The following KLF7 variants were observed in gnomAD, a reference collection of about 807,000 sequenced individuals.
KLF7 encodes the protein KLF transcription factor 7.
A neutral mutation model predicts 27.3 loss-of-function variants in KLF7; 2 were observed. That is an observed-to-expected ratio of 0.07 (90% CI 0.03 to 0.23). The LOEUF is 0.23. Among genes scored for constraint, KLF7 ranks in the 10% least tolerant of loss-of-function variants. KLF7 has a pLI of 1.00. For synonymous variants in KLF7, 165 were observed against 162.4 expected, an observed-to-expected ratio of 1.02 and a Z score of -0.12; for missense variants, 221 against 394.1, an observed-to-expected ratio of 0.56 and a Z score of 3.72.
intron 1 of KLF7, among the ~76,000 whole-genome samples, chr2:207,155,263 A>G (rs529338175): frequency 1.3e-5 from 2 of 152,382 alleles, no homozygotes; most frequent in South Asian, 2.1e-4. Flanking sequence ...TGTCTGATAC[A>G]TATGAGACAG....
chr2:207,135,093 C>T (rs1269000017), intron 1 of KLF7, among the ~76,000 whole-genome samples: 1 of 152,108 alleles, frequency 6.6e-6, no homozygotes, highest in African/African-American at 2.4e-5. Flanking sequence ...TTTAAGTAAG[C>T]AGGGGACTCT....
chr2:207,091,969 GAAA>G (rs1470367386), intron 2 of KLF7, among the ~76,000 whole-genome samples: 1 of 151,646 alleles, frequency 6.6e-6, no homozygotes, highest in Admixed American at 6.6e-5. Flanking sequence ...CTTTATAAAA[GAAA>G]AAAAGAAAGG....
chr2:207,118,302 T>C (rs550840109), intron 2 of KLF7, among the ~76,000 whole-genome samples: 3 of 152,274 alleles, frequency 2.0e-5, no homozygotes, highest in South Asian at 2.1e-4. Flanking sequence ...AACCATAAAA[T>C]AGTAGCTTTA....
At position 207,079,979 on chromosome 2, in the gene KLF7, A is replaced by C. The variant is rs971425792; in HGVS notation, c.*1234T>G. On this transcript the variant is annotated 3_prime_UTR_variant, in exon 4 of 4. Transcript: ENST00000309446. ...CATCCTCAGTTTTCCCCACTCCTGGAAAGAGTGATATTTTTGGCTTTTTGT... is the reference window on the plus strand; with the variant it reads ...CATCCTCAGTTTTCCCCACTCCTGGCAAGAGTGATATTTTTGGCTTTTTGT... The C allele has an allele frequency of 6.6e-6, 1 of 152,230 alleles. No homozygotes were observed. Among genetic ancestry groups the C allele is most frequent in the African/African-American group, 2.4e-5 (1 of 41,456 alleles). 9.4% of individuals were successfully genotyped at this position (152,230 alleles called of 1,614,324 possible). A position where few individuals can be genotyped will look rare whatever the true frequency, so the allele number is the denominator to read the frequency against.
chr2:207,126,469 G>A (rs1258760657), intron 1 of KLF7, among the ~76,000 whole-genome samples: 1 of 152,092 alleles, frequency 6.6e-6, no homozygotes, highest in Non-Finnish European at 1.5e-5. Context: ...ACCCTACCCT[G>A]TACCATGCTG....
At chr2:207,088,060 CTCTT>C (rs2076431585) in intron 3 of KLF7, among the ~76,000 whole-genome samples, 1 of 152,196 alleles carries the variant, frequency 6.6e-6, no homozygotes, top group African/African-American at 2.4e-5. Flanking sequence ...AAGCTTTCTA[CTCTT>C]TCTTATTACT....
upstream of KLF7, chr2:207,166,268 G>C (rs1244030236): frequency 1.2e-6 from 1 of 835,064 alleles, no homozygotes; most frequent in African/African-American, 1.8e-5. Flanking sequence ...GCGGGGCTTG[G>C]CCCTGGCGGC....
At chr2:207,103,710 GGAAAGT>G (rs1220347712) in intron 2 of KLF7, among the ~76,000 whole-genome samples, 1 of 152,132 alleles carries the variant, frequency 6.6e-6, no homozygotes, top group Non-Finnish European at 1.5e-5. Flanking sequence ...TGTGCCCTCA[GGAAAGT>G]TACCTACTCT....
At chr2:207,128,196 T>C (rs2077533324) in intron 1 of KLF7, among the ~76,000 whole-genome samples, 1 of 152,178 alleles carries the variant, frequency 6.6e-6, no homozygotes, top group Admixed American at 6.5e-5. Context: ...CATAAAGTGA[T>C]GAAGTCATGT....
intron 1 of KLF7, among the ~76,000 whole-genome samples, chr2:207,137,496 T>C (rs1473059398): frequency 6.6e-6 from 1 of 152,188 alleles, no homozygotes; most frequent in Admixed American, 6.5e-5. Context: ...CATGAAAAGG[T>C]ATCTCTACTG....
intron 1 of KLF7, among the ~76,000 whole-genome samples, chr2:207,164,278 C>G (rs968499287): frequency 3.3e-5 from 5 of 152,174 alleles, no homozygotes; most frequent in Admixed American, 2.0e-4. Context: ...TGTCACTAAG[C>G]GAAGAAATTA....
chr2:207,076,160 A>G lies in KLF7; in HGVS notation c.*5053T>C, dbSNP rs1297125587. 6.6e-6 allele frequency: 1 copy of G among 152,140 alleles called. No homozygotes were observed. Among genetic ancestry groups the G allele is most frequent in the Non-Finnish European group, 1.5e-5 (1 of 68,028 alleles). The allele number at this position is 152,140 out of a possible 1,614,324, so 9.4% of individuals were successfully genotyped here. ...CATATGCGCATGTCTAGGTGCGAGC[A>G]TATATACCACCCTCATTATGCTGAC... On this transcript the variant is annotated 3_prime_UTR_variant, in exon 4 of 4. Transcript: ENST00000309446.
intron 3 of KLF7, among the ~76,000 whole-genome samples, chr2:207,081,941 A>G (rs1384573156): frequency 6.6e-6 from 1 of 151,752 alleles, no homozygotes; most frequent in Admixed American, 6.6e-5. Flanking sequence ...GGTTTTCCCA[A>G]TATCACGCCA....
intron 2 of KLF7, chr2:207,121,872 C>G (rs1430384664): frequency 5.9e-5 from 9 of 152,262 alleles, no homozygotes; most frequent in African/African-American, 2.2e-4. Flanking sequence ...AAAAGAATCT[C>G]TGCTTTCCCA....
chr2:207,100,642 T>C (rs2076744765), intron 2 of KLF7, among the ~76,000 whole-genome samples: 1 of 152,204 alleles, frequency 6.6e-6, no homozygotes, highest in Admixed American at 6.5e-5. Context: ...GGATGTCCCC[T>C]GCTCAGAATG....
At chr2:207,085,748 C>T (rs1574417175) in intron 3 of KLF7, among the ~76,000 whole-genome samples, 1 of 152,270 alleles carries the variant, frequency 6.6e-6, no homozygotes, top group East Asian at 1.9e-4. Context: ...CAACAGAAAG[C>T]GGGACAATAC....
chr2:207,165,960 C>G (rs1224920675), upstream of KLF7: 3 of 1,023,308 alleles, frequency 2.9e-6, no homozygotes, highest in African/African-American at 5.1e-5. Flanking sequence ...GCTCCTAATG[C>G]AATCTTTGCT....
chr2:207,120,412 C>A (rs1224787016), intron 2 of KLF7, among the ~76,000 whole-genome samples: 2 of 152,208 alleles, frequency 1.3e-5, no homozygotes, highest in Non-Finnish European at 2.9e-5. Flanking sequence ...AAGACACACA[C>A]ATTTTATTTT....
Position 207,075,869 on chromosome 2 carries a change from A to C in KLF7, c.*5344T>G, listed in dbSNP as rs945138818. 2 of 152,120 alleles carry C rather than the reference A, an allele frequency of 1.3e-5. No individual in the cohort carries two copies. Among genetic ancestry groups the C allele is most frequent in the African/African-American group, 4.8e-5 (2 of 41,398 alleles). 9.4% of individuals were successfully genotyped at this position (152,120 alleles called of 1,614,324 possible). On this transcript the variant is annotated 3_prime_UTR_variant, in exon 4 of 4. Transcript: ENST00000309446. Reference sequence around the variant, plus strand: ...AGGAAATGCATGCTGGGAAGAAAAAACAAAAAGGTTGAGAACCAGCCAATA... The same window carrying C: ...AGGAAATGCATGCTGGGAAGAAAAACCAAAAAGGTTGAGAACCAGCCAATA...
Sources: allele counts gnomAD v4.1 joint callset (sites outside exome capture counted in the v4.1 genomes callset), GRCh38; gene constraint gnomAD v4.1.1; transcripts MANE v1.5; gene names NCBI Gene and HGNC (gene_info 2026-07-23, HGNC 2026-07-21).